CTNNA3: variants seen among roughly 807,000 people sequenced by gnomAD.
CTNNA3 encodes catenin alpha 3.
In CTNNA3, 76 loss-of-function variants were observed where a neutral mutation model predicts 95.7. The observed-to-expected ratio is 0.79, with a 90% CI of 0.66 to 0.96. The LOEUF is 0.96. Among genes scored for constraint, CTNNA3 ranks in the 40% least tolerant of loss-of-function variants. CTNNA3 has a pLI of 0.00. For synonymous variants in CTNNA3, 431 were observed against 374.4 expected (o/e 1.15, Z -1.74); for missense variants, 1,191 against 1,089.8 (o/e 1.09, Z -1.31).
intron 5 of CTNNA3, among the ~76,000 whole-genome samples, chr10:67,239,957 C>T (rs1175862776): frequency 1.3e-5 from 2 of 152,176 alleles, no homozygotes; most frequent in Non-Finnish European, 2.9e-5. Context: ...GTTTTCACAG[C>T]AACTGATTCC....
At chr10:67,187,291 C>T (rs1277732213) in intron 6 of CTNNA3, among the ~76,000 whole-genome samples, 3 of 151,930 alleles carry the variant, frequency 2.0e-5, no homozygotes, top group Non-Finnish European at 2.9e-5. Flanking sequence ...ATGTGAAAAC[C>T]GAGAGTGAGC....
intron 6 of CTNNA3, among the ~76,000 whole-genome samples, chr10:67,202,032 T>C (rs1263473595): frequency 1.3e-5 from 2 of 152,214 alleles, no homozygotes; most frequent in African/African-American, 2.4e-5. Flanking sequence ...TAAAAACTAA[T>C]ATGTTGGCAA....
At chr10:67,056,761 A>G (rs1012488502) in intron 7 of CTNNA3, among the ~76,000 whole-genome samples, 1 of 152,218 alleles carries the variant, frequency 6.6e-6, no homozygotes, top group Non-Finnish European at 1.5e-5. Context: ...AGTACTTTAT[A>G]TGACAACTAT....
chr10:66,504,580 G>A (rs1279687917), intron 11 of CTNNA3, among the ~76,000 whole-genome samples: 1 of 152,086 alleles, frequency 6.6e-6, no homozygotes, highest in Non-Finnish European at 1.5e-5. Flanking sequence ...TGGGCTCATT[G>A]GTAGGTAGGA....
intron 3 of CTNNA3, among the ~76,000 whole-genome samples, chr10:67,599,183 C>A (rs1025242994): frequency 6.6e-6 from 1 of 152,198 alleles, no homozygotes; most frequent in Non-Finnish European, 1.5e-5. Flanking sequence ...GCTACACAAA[C>A]TCCTGGTTAT....
chr10:66,044,286 C>T (rs1414214281), intron 15 of CTNNA3, among the ~76,000 whole-genome samples: 3 of 152,122 alleles, frequency 2.0e-5, no homozygotes, highest in Non-Finnish European at 2.9e-5. Flanking sequence ...CCACTGTGCC[C>T]GGCCTTCCAT....
intron 5 of CTNNA3, among the ~76,000 whole-genome samples, chr10:67,347,214 C>T (rs918899856): frequency 5.9e-5 from 9 of 151,818 alleles, no homozygotes; most frequent in African/African-American, 2.2e-4. Context: ...CAATGCCCAG[C>T]TAATTTGGGT....
intron 5 of CTNNA3, among the ~76,000 whole-genome samples, chr10:67,316,197 C>T (rs991469847): frequency 2.0e-5 from 3 of 152,050 alleles, no homozygotes; most frequent in Admixed American, 6.6e-5. Context: ...GCCATGTATA[C>T]TGTGATCCCA....
chr10:66,256,356 A>G (rs2090773214), intron 13 of CTNNA3, among the ~76,000 whole-genome samples: 1 of 152,188 alleles, frequency 6.6e-6, no homozygotes, highest in African/African-American at 2.4e-5. Context: ...AGGAAGACCC[A>G]CAAACTCCTT....
At chr10:67,397,741 G>T (rs1179638830) in intron 5 of CTNNA3, among the ~76,000 whole-genome samples, 1 of 152,210 alleles carries the variant, frequency 6.6e-6, no homozygotes, top group Admixed American at 6.5e-5. Flanking sequence ...CATGGGCAGA[G>T]CCCAGGGCCC....
At chr10:66,290,543 T>C (rs1359893576) in intron 12 of CTNNA3, among the ~76,000 whole-genome samples, 2 of 152,136 alleles carry the variant, frequency 1.3e-5, no homozygotes, top group Non-Finnish European at 2.9e-5. Flanking sequence ...TTTATTTATG[T>C]TATTGGTTAT....
intron 10 of CTNNA3, among the ~76,000 whole-genome samples, chr10:66,553,462 C>T (rs1334801054): frequency 1.4e-5 from 2 of 147,820 alleles, no homozygotes; most frequent in Non-Finnish European, 3.0e-5. Flanking sequence ...CAGTGATTAC[C>T]CTAGAAGTGA....
intron 1 of CTNNA3, among the ~76,000 whole-genome samples, chr10:67,663,368 G>T (rs1004153958): frequency 4.0e-5 from 6 of 151,640 alleles, no homozygotes; most frequent in Non-Finnish European, 8.8e-5. Flanking sequence ...GCTAGCTGAG[G>T]TTTTATTTTG....
At position 67,107,978 on chromosome 10, in the gene CTNNA3, T is replaced by C. The variant is rs75615685; in HGVS notation, c.1047+72339A>G. On this transcript the variant is annotated intron_variant, in intron 7 of 17. Coordinates refer to ENST00000433211, the MANE Select transcript of CTNNA3 (RefSeq NM_013266.4). ...TTCCTTTTCACCCAATAAAACCCTG[T>C]CTTACTCACCATTCAAATTGTCTGT... 0.011 allele frequency among the ~76,000 whole-genome samples: 1,657 copies of C among 152,300 alleles called. 59 individuals carry two copies. In the East Asian group the frequency reaches 0.12, roughly 11 times the overall value.
chr10:66,859,422 C>T lies in CTNNA3; in HGVS notation c.1048-83898G>A, dbSNP rs559663833. On this transcript the variant is annotated intron_variant, in intron 7 of 17. Transcript: ENST00000433211. Reference sequence around the variant, plus strand: ...CAAAAAACACATGAAAAAATGCTTACCATCACTGGCCATCAGAGAAATGCA... The same window carrying T: ...CAAAAAACACATGAAAAAATGCTTATCATCACTGGCCATCAGAGAAATGCA... Among the ~76,000 whole-genome samples the T allele has an allele frequency of 4.0e-5, 6 of 151,598 alleles. No individual in the cohort carries two copies. In the East Asian group the frequency reaches 7.7e-4, roughly 20 times the overall value.
chr10:65,950,660 T>C (rs1162478624), intron 17 of CTNNA3, among the ~76,000 whole-genome samples: 2 of 152,204 alleles, frequency 1.3e-5, no homozygotes. Flanking sequence ...CCCTCTTTTC[T>C]AAGGATTGAT....
chr10:67,027,465 C>G (rs559414696), intron 7 of CTNNA3, among the ~76,000 whole-genome samples: 2 of 141,104 alleles, frequency 1.4e-5, no homozygotes, highest in Non-Finnish European at 3.0e-5. Flanking sequence ...TACACAGTCT[C>G]GCTCTGTCAC....
intron 3 of CTNNA3, among the ~76,000 whole-genome samples, chr10:67,557,058 A>T (rs140273986): frequency 6.6e-6 from 1 of 152,250 alleles, no homozygotes; most frequent in Non-Finnish European, 1.5e-5. Context: ...CATGTAGTTG[A>T]GCAGTTTTGA....
chr10:66,757,791 C>T (rs1268165611), intron 9 of CTNNA3, among the ~76,000 whole-genome samples: 2 of 152,004 alleles, frequency 1.3e-5, no homozygotes, highest in East Asian at 3.9e-4. Context: ...TACCTTTATC[C>T]CTTTAATCTC....
Sources: allele counts gnomAD v4.1 joint callset (sites outside exome capture counted in the v4.1 genomes callset), GRCh38; gene constraint gnomAD v4.1.1; transcripts MANE v1.5; gene names NCBI Gene and HGNC (gene_info 2026-07-23, HGNC 2026-07-21).